The following PTPRD variants were observed in gnomAD, a reference collection of about 807,000 sequenced individuals.
The protein encoded by PTPRD is protein tyrosine phosphatase receptor type D.
In PTPRD, 34 loss-of-function variants were observed where a neutral mutation model predicts 214.5. The observed-to-expected ratio is 0.16, with a 90% CI of 0.12 to 0.21. PTPRD has a LOEUF of 0.21. PTPRD is among the 10% of genes least tolerant of loss of function. The probability of loss-of-function intolerance (pLI) is 1.00; values close to 1 mark genes in which losing one functional copy is unlikely to be tolerated. For missense variants in PTPRD, 2,545 were observed against 2,398.7 expected (o/e 1.06, Z -1.27); for synonymous variants, 1,128 against 845.7 (o/e 1.33, Z -5.79).
At chr9:9,979,011 C>A (rs1030318393) in intron 4 of PTPRD, among the ~76,000 whole-genome samples, 5 of 152,092 alleles carry the variant, frequency 3.3e-5, no homozygotes, top group African/African-American at 1.2e-4. Context: ...AAAGCAAAAA[C>A]TATACACCAG....
intron 7 of PTPRD, among the ~76,000 whole-genome samples, chr9:9,726,180 G>C (rs1161884656): frequency 6.6e-6 from 1 of 152,116 alleles, no homozygotes; most frequent in Non-Finnish European, 1.5e-5. Context: ...ATTAGGATCT[G>C]TCTCAGAACC....
intron 3 of PTPRD, among the ~76,000 whole-genome samples, chr9:10,078,063 T>C (rs1338760070): frequency 6.6e-6 from 1 of 151,984 alleles, no homozygotes; most frequent in Admixed American, 6.6e-5. Flanking sequence ...TGGCTGGAGA[T>C]GGAATAATTC....
intron 6 of PTPRD, among the ~76,000 whole-genome samples, chr9:9,735,175 A>T (rs952942614): frequency 1.3e-5 from 2 of 152,142 alleles, no homozygotes; most frequent in Non-Finnish European, 2.9e-5. Flanking sequence ...ACAAATTCCC[A>T]AGAGGAGACC....
chr9:10,609,370 A>G (rs555986554), intron 2 of PTPRD, among the ~76,000 whole-genome samples: 1 of 152,190 alleles, frequency 6.6e-6, no homozygotes, highest in African/African-American at 2.4e-5. Flanking sequence ...ATTATTATAT[A>G]AATTCTGTTC....
intron 9 of PTPRD, among the ~76,000 whole-genome samples, chr9:9,343,336 A>G (rs966162973): frequency 3.3e-5 from 5 of 152,052 alleles, no homozygotes; most frequent in African/African-American, 1.2e-4. Flanking sequence ...TAATTTACAC[A>G]CCCAACAGTG....
intron 35 of PTPRD, among the ~76,000 whole-genome samples, chr9:8,406,926 G>C (rs772475964): frequency 6.6e-6 from 1 of 152,124 alleles, no homozygotes; most frequent in African/African-American, 2.4e-5. Context: ...ACTGGTATAC[G>C]TACAGTGCTC....
intron 7 of PTPRD, among the ~76,000 whole-genome samples, chr9:9,683,189 A>C (rs886695334): frequency 1.3e-5 from 2 of 151,816 alleles, no homozygotes; most frequent in African/African-American, 4.8e-5. Context: ...TGAAATTATG[A>C]CAGTTATATT....
intron 35 of PTPRD, among the ~76,000 whole-genome samples, chr9:8,417,715 C>G (rs1025254331): frequency 6.6e-6 from 1 of 152,036 alleles, no homozygotes; most frequent in Non-Finnish European, 1.5e-5. Flanking sequence ...AGAGAGACAG[C>G]TACAAGATCA....
At chr9:9,815,845 T>G (rs546548962) in intron 5 of PTPRD, among the ~76,000 whole-genome samples, 1 of 152,142 alleles carries the variant, frequency 6.6e-6, no homozygotes, top group Non-Finnish European at 1.5e-5. Context: ...TGACTGTAGT[T>G]AGTAACACTG....
intron 11 of PTPRD, among the ~76,000 whole-genome samples, chr9:8,809,833 A>G (rs184655006): frequency 1.3e-5 from 2 of 152,314 alleles, no homozygotes; most frequent in African/African-American, 2.4e-5. Context: ...TTCTTAAAAC[A>G]ATAATTGTAA....
intron 8 of PTPRD, among the ~76,000 whole-genome samples, chr9:9,439,572 A>C (rs1465390804): frequency 6.6e-6 from 1 of 152,196 alleles, no homozygotes; most frequent in Non-Finnish European, 1.5e-5. Context: ...AAACTGCTTC[A>C]TCAGCCCTTT....
intron 4 of PTPRD, among the ~76,000 whole-genome samples, chr9:10,023,870 T>C (rs1264988604): frequency 6.6e-6 from 1 of 152,152 alleles, no homozygotes; most frequent in Non-Finnish European, 1.5e-5. Context: ...AAATGCTTCT[T>C]TGTTCTTATG....
chr9:8,318,564 CGGCACACCA>C (rs1823917653), intron 45 of PTPRD, among the ~76,000 whole-genome samples: 1 of 152,046 alleles, frequency 6.6e-6, no homozygotes, highest in South Asian at 2.1e-4. Context: ...GTAGCTGGTG[CGGCACACCA>C]GGCACACAAA....
chr9:8,438,839 G>T (rs2095445199), intron 34 of PTPRD: 1 of 152,290 alleles, frequency 6.6e-6, no homozygotes, highest in South Asian at 2.1e-4. Flanking sequence ...AGTAAAGCCA[G>T]TTGGAGACGG....
At chr9:9,019,195 GAAC>G (rs1394956800) in intron 10 of PTPRD, among the ~76,000 whole-genome samples, 3 of 151,138 alleles carry the variant, frequency 2.0e-5, no homozygotes, top group African/African-American at 7.3e-5. Context: ...GAGTTTCTTT[GAAC>G]AACATCACAG....
intron 3 of PTPRD, among the ~76,000 whole-genome samples, chr9:10,191,578 C>A (rs1219460606): frequency 6.6e-6 from 1 of 152,094 alleles, no homozygotes; most frequent in African/African-American, 2.4e-5. Flanking sequence ...GAAAACCATC[C>A]CACACACAAA....
At chr9:8,777,422 G>C (rs1247555120) in intron 11 of PTPRD, among the ~76,000 whole-genome samples, 1 of 152,080 alleles carries the variant, frequency 6.6e-6, no homozygotes, top group Non-Finnish European at 1.5e-5. Flanking sequence ...TTAACAGCAA[G>C]ACATTTTTAC....
At chr9:9,858,890 G>A (rs1177893977) in intron 5 of PTPRD, among the ~76,000 whole-genome samples, 2 of 152,098 alleles carry the variant, frequency 1.3e-5, no homozygotes, top group Non-Finnish European at 2.9e-5. Context: ...ATGGAAACTG[G>A]AACTCAGAGC....
intron 12 of PTPRD, among the ~76,000 whole-genome samples, chr9:8,671,118 A>T (rs1427842606): frequency 6.6e-6 from 1 of 152,238 alleles, no homozygotes; most frequent in Non-Finnish European, 1.5e-5. Context: ...GAAAAAGGAA[A>T]GTGAAGAATA....
Sources: allele counts gnomAD v4.1 joint callset (sites outside exome capture counted in the v4.1 genomes callset), GRCh38; gene constraint gnomAD v4.1.1; transcripts MANE v1.5; gene names NCBI Gene and HGNC (gene_info 2026-07-23, HGNC 2026-07-21).